CHLSN: variants seen among roughly 807,000 people sequenced by gnomAD.
CHLSN encodes the protein cholesin.
chr7:1,134,294 C>G, the CHLSN span, among the ~76,000 whole-genome samples: 3 of 151,914 alleles, frequency 2.0e-5, no homozygotes, highest in East Asian at 1.9e-4. Flanking sequence ...GGGGGCAAGG[C>G]TGAGCGCAGT....
the CHLSN span, among the ~76,000 whole-genome samples, chr7:1,038,465 C>T: frequency 6.8e-5 from 6 of 87,986 alleles, no homozygotes; most frequent in Non-Finnish European, 6.9e-5. Flanking sequence ...CCAGCCGCCC[C>T]GTCCGGGAGG....
At chr7:1,076,502 C>G in the CHLSN span, among the ~76,000 whole-genome samples, 2 of 152,240 alleles carry the variant, frequency 1.3e-5, no homozygotes, top group African/African-American at 2.4e-5. Flanking sequence ...GTTTTCGGAG[C>G]CTGCAGGCGG....
chr7:1,047,864 C>T, the CHLSN span, among the ~76,000 whole-genome samples: 1 of 152,202 alleles, frequency 6.6e-6, no homozygotes, highest in Non-Finnish European at 1.5e-5. Context: ...GGATCACTCG[C>T]CTTGGTGGAT....
At chr7:983,354 G>A in the CHLSN span, 173 of 1,536,676 alleles carry the variant, frequency 1.1e-4, no homozygotes, top group African/African-American at 1.8e-3. Flanking sequence ...CACTTGCTGC[G>A]TCTGTCGCAA....
chr7:1,005,268 C>T, the CHLSN span, among the ~76,000 whole-genome samples: 2 of 152,136 alleles, frequency 1.3e-5, no homozygotes, highest in Non-Finnish European at 2.9e-5. Context: ...TCCAGCCTGG[C>T]GACAGAGTGA....
the CHLSN span, chr7:997,350 C>A: frequency 2.6e-6 from 1 of 390,056 alleles, no homozygotes; most frequent in East Asian, 4.0e-5. Flanking sequence ...GCCAGGGGTC[C>A]GGGTGATTCC....
the CHLSN span, chr7:1,092,482 C>T: frequency 1.2e-6 from 2 of 1,607,494 alleles, no homozygotes; most frequent in Admixed American, 3.3e-5. Context: ...TGGGCTGCGG[C>T]CCCGGCGGCA....
chr7:1,081,555 G>C, the CHLSN span, among the ~76,000 whole-genome samples: 1 of 152,240 alleles, frequency 6.6e-6, no homozygotes, highest in Non-Finnish European at 1.5e-5. Flanking sequence ...TCCGCCACGC[G>C]GACGGGGAAG....
At chr7:988,417 A>T in the CHLSN span, 9 of 1,612,472 alleles carry the variant, frequency 5.6e-6, no homozygotes, top group Non-Finnish European at 7.6e-6. Context: ...CTTTCTCTGC[A>T]GGTCAGCAGC....
chr7:1,088,859 T>C, the CHLSN span, among the ~76,000 whole-genome samples: 1 of 151,760 alleles, frequency 6.6e-6, no homozygotes, highest in Non-Finnish European at 1.5e-5. The surrounding 1 kb of genome is among the most constrained non-coding windows in gnomAD (Gnocchi z 4.5). Flanking sequence ...GCACACTAGG[T>C]TCCTCTCACC....
the CHLSN span, among the ~76,000 whole-genome samples, chr7:1,119,437 A>C: frequency 1.3e-5 from 2 of 152,222 alleles, no homozygotes; most frequent in Non-Finnish European, 2.9e-5. Context: ...TCAAAATCGA[A>C]ATCTTAAGCG....
chr7:1,023,913 T>C, the CHLSN span, among the ~76,000 whole-genome samples: 1 of 152,066 alleles, frequency 6.6e-6, no homozygotes, highest in Non-Finnish European at 1.5e-5. The surrounding 1 kb of genome is among the most constrained non-coding windows in gnomAD (Gnocchi z 5.0). Flanking sequence ...CCATCACAGT[T>C]TACTGCAGCC....
At chr7:1,057,145 C>G in the CHLSN span, among the ~76,000 whole-genome samples, 1 of 152,102 alleles carries the variant, frequency 6.6e-6, no homozygotes, top group Non-Finnish European at 1.5e-5. Flanking sequence ...TAGTAAACTT[C>G]GGGAATCACT....
chr7:998,987 T>C, the CHLSN span, among the ~76,000 whole-genome samples: 4 of 152,316 alleles, frequency 2.6e-5, no homozygotes, highest in East Asian at 5.8e-4. Flanking sequence ...TTCGTAAATA[T>C]GTACGGTTAC....
chr7:1,040,760 C>A, the CHLSN span, among the ~76,000 whole-genome samples: 1 of 151,704 alleles, frequency 6.6e-6, no homozygotes, highest in Non-Finnish European at 1.5e-5. Flanking sequence ...TCTGCAAAAC[C>A]CTCATTAAGA....
At chr7:1,046,258 T>C in the CHLSN span, among the ~76,000 whole-genome samples, 1 of 152,292 alleles carries the variant, frequency 6.6e-6, no homozygotes, top group Admixed American at 6.5e-5. Context: ...AAAAAATAAC[T>C]GCCGCCTGGC....
At chr7:979,317 A>G in the CHLSN span, among the ~76,000 whole-genome samples, 1 of 152,186 alleles carries the variant, frequency 6.6e-6, no homozygotes, top group South Asian at 2.1e-4. Context: ...CTCAGGGGGT[A>G]CCTTAGAGCC....
chr7:1,012,756 C>T, the CHLSN span, among the ~76,000 whole-genome samples: 9 of 152,350 alleles, frequency 5.9e-5, no homozygotes, highest in African/African-American at 1.2e-4. Context: ...GTGCTGCGCC[C>T]GGAGAGCCAG....
At chr7:1,048,199 A>C in the CHLSN span, among the ~76,000 whole-genome samples, 6 of 152,208 alleles carry the variant, frequency 3.9e-5, no homozygotes, top group African/African-American at 9.6e-5. Context: ...CGCAAAAGAC[A>C]GTGTGAAAGA....
Sources: allele counts gnomAD v4.1 joint callset (sites outside exome capture counted in the v4.1 genomes callset), GRCh38; gene constraint gnomAD v4.1.1; non-coding constraint Gnocchi (gnomAD v3.1); transcripts MANE v1.5; gene names NCBI Gene and HGNC (gene_info 2026-07-23, HGNC 2026-07-21).